Variants in DCDC2C observed in about 807,000 individuals in gnomAD.
DCDC2C encodes the protein doublecortin domain-containing protein 2C.
In DCDC2C, 44 loss-of-function variants were observed where a neutral mutation model predicts 45.0. That is an observed-to-expected ratio of 0.98 (90% confidence interval 0.77 to 1.26). DCDC2C has a LOEUF of 1.26. Among genes scored for constraint, DCDC2C ranks in the 50% most tolerant of loss-of-function variants. The probability of loss-of-function intolerance (pLI) is 0.00; values close to 1 mark genes in which losing one functional copy is unlikely to be tolerated. For missense variants in DCDC2C, 447 were observed against 468.9 expected (o/e 0.95, Z 0.43); for synonymous variants, 187 against 178.8 (o/e 1.05, Z -0.37).
chr2:3,816,040 C>G (rs1408332835), intron 10 of DCDC2C, among the ~76,000 whole-genome samples: 1 of 152,036 alleles, frequency 6.6e-6, no homozygotes, highest in East Asian at 1.9e-4. Flanking sequence ...TGATGCTTCT[C>G]AGGGCTGCTT....
chr2:3,769,063 A>G, intron 7 of DCDC2C: 1 of 443,428 alleles, frequency 2.3e-6, no homozygotes, highest in Non-Finnish European at 4.2e-6. Context: ...CAGGACCTTC[A>G]TGAAGACAGA....
At chr2:3,786,121 C>T (rs1432672587) in intron 10 of DCDC2C, among the ~76,000 whole-genome samples, 1 of 152,252 alleles carries the variant, frequency 6.6e-6, no homozygotes, top group Non-Finnish European at 1.5e-5. Context: ...GAGGGGAACA[C>T]GTGTGAGCTG....
chr2:3,766,741 A>C (rs899006063), intron 6 of DCDC2C, among the ~76,000 whole-genome samples: 15 of 152,222 alleles, frequency 9.9e-5, no homozygotes, highest in Non-Finnish European at 1.9e-4. Context: ...TATATACTTC[A>C]GCCTGCATTC....
At chr2:3,827,824 G>A (rs532230619) in intron 10 of DCDC2C, among the ~76,000 whole-genome samples, 2 of 152,212 alleles carry the variant, frequency 1.3e-5, no homozygotes, top group South Asian at 2.1e-4. Context: ...GCCCCAGATC[G>A]CCACCTAGTG....
chr2:3,831,652 A>G (rs1671954583), intron 10 of DCDC2C, among the ~76,000 whole-genome samples: 1 of 152,182 alleles, frequency 6.6e-6, no homozygotes, highest in Admixed American at 6.5e-5. Flanking sequence ...GAGAAGCAAA[A>G]TGTTAATCAG....
chr2:3,796,375 A>G (rs1338513639), intron 10 of DCDC2C, among the ~76,000 whole-genome samples: 2 of 111,666 alleles, frequency 1.8e-5, no homozygotes, highest in African/African-American at 7.6e-5. Context: ...TCTCCCGCCT[A>G]ATTGCCCTGG....
At chr2:3,739,719 G>GT (rs1194987587) in intron 3 of DCDC2C, among the ~76,000 whole-genome samples, 2 of 152,248 alleles carry the variant, frequency 1.3e-5, no homozygotes, top group African/African-American at 4.8e-5. Flanking sequence ...GCCCACATGT[G>GT]ATCCAGTTGT....
At chr2:3,800,887 T>G (rs1671097139) in intron 10 of DCDC2C, among the ~76,000 whole-genome samples, 1 of 152,194 alleles carries the variant, frequency 6.6e-6, no homozygotes, top group Non-Finnish European at 1.5e-5. Flanking sequence ...TACCTGCCAT[T>G]GTTTTTGTAG....
chr2:3,763,757 G>A (rs1325920547), intron 6 of DCDC2C, among the ~76,000 whole-genome samples: 1 of 152,184 alleles, frequency 6.6e-6, no homozygotes, highest in Non-Finnish European at 1.5e-5. Flanking sequence ...GCTCTTTTGG[G>A]CTGGACACAA....
At chr2:3,805,096 A>G (rs556684085) in intron 10 of DCDC2C, among the ~76,000 whole-genome samples, 1 of 152,342 alleles carries the variant, frequency 6.6e-6, no homozygotes, top group South Asian at 2.1e-4. Context: ...AGCTACAAGA[A>G]TCATGTGCAG....
intron 2 of DCDC2C, 119 bp from the exon 3 acceptor site, chr2:3,726,884 A>C (rs760556174): frequency 3.2e-5 from 28 of 866,006 alleles, no homozygotes; most frequent in Non-Finnish European, 4.9e-5. Flanking sequence ...TGGGTGTTCT[A>C]TTGACAAAGG....
At chr2:3,813,697 G>A (rs1305090150) in intron 10 of DCDC2C, among the ~76,000 whole-genome samples, 2 of 133,860 alleles carry the variant, frequency 1.5e-5, no homozygotes, top group East Asian at 4.5e-4. Flanking sequence ...GCTGGTTAAA[G>A]TCTGTTTTAT....
At chr2:3,771,883 T>C (rs1437256563) in intron 8 of DCDC2C, among the ~76,000 whole-genome samples, 1 of 152,236 alleles carries the variant, frequency 6.6e-6, no homozygotes, top group African/African-American at 2.4e-5. Flanking sequence ...TATATCCGTG[T>C]CGTGAGAACT....
chr2:3,705,721 A>G (rs1668047871), intron 1 of DCDC2C, among the ~76,000 whole-genome samples: 1 of 152,120 alleles, frequency 6.6e-6, no homozygotes, highest in Non-Finnish European at 1.5e-5. Flanking sequence ...TTGTACCTCC[A>G]GTTTTGTAGA....
intron 2 of DCDC2C, among the ~76,000 whole-genome samples, chr2:3,712,417 G>A (rs1413239757): frequency 1.3e-5 from 2 of 150,542 alleles, no homozygotes; most frequent in African/African-American, 4.9e-5. Context: ...TGTAATCCCA[G>A]CACTTTGGGA....
At chr2:3,839,276 G>A (rs190375947) in intron 10 of DCDC2C, among the ~76,000 whole-genome samples, 57 of 152,108 alleles carry the variant, frequency 3.7e-4, no homozygotes, top group Non-Finnish European at 6.8e-4. Flanking sequence ...ATCTATCTCC[G>A]GGTTTCTAAC....
intron 3 of DCDC2C, among the ~76,000 whole-genome samples, chr2:3,735,014 C>T (rs1028673450): frequency 2.6e-5 from 4 of 152,270 alleles, no homozygotes; most frequent in Admixed American, 6.5e-5. Flanking sequence ...CCCACTTTCT[C>T]GCTCCCAATT....
chr2:3,743,407 A>T (rs908363543), intron 4 of DCDC2C, among the ~76,000 whole-genome samples: 1 of 152,210 alleles, frequency 6.6e-6, no homozygotes, highest in Non-Finnish European at 1.5e-5. Context: ...AACCCAATAG[A>T]CTTAACAGAC....
chr2:3,813,638 A>ATT (rs376430001), intron 10 of DCDC2C, among the ~76,000 whole-genome samples: 44,721 of 135,156 alleles, frequency 0.33, 7,370 homozygotes, highest in South Asian at 0.45. Context: ...TTCTTGTTGA[A>ATT]TTTTTTTTTT....
Sources: allele counts gnomAD v4.1 joint callset (sites outside exome capture counted in the v4.1 genomes callset), GRCh38; gene constraint gnomAD v4.1.1; transcripts MANE v1.5; gene names NCBI Gene and HGNC (gene_info 2026-07-23, HGNC 2026-07-21).